Variants in SGTA observed in about 807,000 individuals in gnomAD.
SGTA encodes the protein small glutamine rich tetratricopeptide repeat co-chaperone alpha, also known as small glutamine-rich tetratricopeptide repeat-containing protein alpha.
In SGTA, 22 loss-of-function variants were observed where a neutral mutation model predicts 44.3. That is an observed-to-expected ratio of 0.50 (90% CI 0.36 to 0.71). The LOEUF is 0.71. Among genes scored for constraint, SGTA ranks in the 30% least tolerant of loss-of-function variants. The probability of loss-of-function intolerance (pLI) is 0.00; values close to 1 mark genes in which losing one functional copy is unlikely to be tolerated. For missense variants in SGTA, 341 were observed against 435.9 expected, an observed-to-expected ratio of 0.78 and a Z score of 1.94; for synonymous variants, 174 against 177.6, an observed-to-expected ratio of 0.98 and a Z score of 0.16.
rs566331427 is a variant in SGTA, at chr19:2,776,657, C to T, written c.-24+6576G>A. Among the ~76,000 whole-genome samples the T allele has an allele frequency of 1.3e-3, 199 of 152,310 alleles. 2 individuals are homozygous for T. Among genetic ancestry groups the T allele is most frequent in the African/African-American group, 4.4e-3 (183 of 41,562 alleles). On this transcript the variant is annotated intron_variant, in intron 1 of 11. Coordinates refer to ENST00000221566, the MANE Select transcript of SGTA (RefSeq NM_003021.4). ...ATGTGCTTAAAGCCACTGAACTGTG[C>T]ATTTATAACTGATTAAGATGGTAAT...
chr19:2,764,881 T>C (rs1308900545), intron 5 of SGTA, among the ~76,000 whole-genome samples: 3 of 152,188 alleles, frequency 2.0e-5, no homozygotes, highest in Non-Finnish European at 4.4e-5. Context: ...GACTAATTTT[T>C]ACATTTTCTG....
At chr19:2,775,831 G>A (rs1039784862) in intron 1 of SGTA, among the ~76,000 whole-genome samples, 3 of 152,306 alleles carry the variant, frequency 2.0e-5, no homozygotes, top group African/African-American at 4.8e-5. Context: ...GGATCACAGC[G>A]GTGTGGGAAT....
chr19:2,757,665 C>A, intron 10 of SGTA, 28 bp downstream of exon 10: 2 of 1,523,628 alleles, frequency 1.3e-6, no homozygotes, highest in Non-Finnish European at 1.8e-6. Context: ...CCCACGTCCT[C>A]CGTCCTCTTG....
At chr19:2,778,231 G>A (rs1306664268) in intron 1 of SGTA, among the ~76,000 whole-genome samples, 1 of 152,132 alleles carries the variant, frequency 6.6e-6, no homozygotes, top group African/African-American at 2.4e-5. Context: ...AGGGGTGTGT[G>A]TGTGGAGGGG....
In SGTA at chr19:2,759,442, T is replaced by C. The variant is rs368678030; in HGVS notation, c.700-148A>G. ...GCCGGGCATTCGGTCTTTCATACCC[T>C]TTTCCCTACATTTTCGCCCCCCCAC... On this transcript the variant is annotated intron_variant, in intron 8 of 11. Transcript: ENST00000221566. 49 of 698,406 alleles carry C rather than the reference T, an allele frequency of 7.0e-5. 1 individual carries two copies. In the East Asian group the frequency reaches 1.2e-3, roughly 17 times the overall value. The allele number at this position is 698,406 out of a possible 1,614,324, so 43.3% of individuals were successfully genotyped here.
intron 9 of SGTA, among the ~76,000 whole-genome samples, chr19:2,758,536 A>G (rs1047856522): frequency 1.3e-4 from 20 of 151,930 alleles, no homozygotes; most frequent in African/African-American, 4.8e-4. Context: ...AAAAGGAGAA[A>G]GAAAAAAAGA....
chr19:2,775,737 G>A (rs1051955027), intron 1 of SGTA, among the ~76,000 whole-genome samples: 2 of 152,268 alleles, frequency 1.3e-5, no homozygotes, highest in South Asian at 2.1e-4. Flanking sequence ...CTTTTGGGGC[G>A]ATGAGACAGC....
In SGTA at chr19:2,763,798, C is replaced by G; in HGVS notation, c.393-41G>C. ...CAGGGCAGGTCCCTCACTGGCGGCT[C>G]TGAGCCCAGCGGGCAGCCCTTGAGG... On this transcript the variant is annotated intron_variant, in intron 5 of 11. Transcript: ENST00000221566. The surrounding 1 kb of genome is among the most constrained non-coding windows in gnomAD (Gnocchi z 5.8). 6.4e-7 allele frequency: 1 copy of G among 1,558,550 alleles called. No homozygotes were observed. The highest frequency in any genetic ancestry group is 8.8e-7 in the Non-Finnish European group (1 of 1,137,564).
Position 2,765,493 on chromosome 19 carries a change from C to T in SGTA, c.293-208G>A, listed in dbSNP as rs1161839409. 2.6e-5 allele frequency among the ~76,000 whole-genome samples: 4 copies of T among 152,214 alleles called. No homozygotes were observed. Among genetic ancestry groups the T allele is most frequent in the East Asian group, 1.9e-4 (1 of 5,190 alleles). ...CGCTAGTCGCAAACAATCATATCTA[C>T]ATCCACTAAGGGGGATGGAGGTGGG... On this transcript the variant is annotated intron_variant, in intron 4 of 11. Transcript: ENST00000221566. The surrounding 1 kb of genome is among the most constrained non-coding windows in gnomAD (Gnocchi z 5.5).
intron 1 of SGTA, among the ~76,000 whole-genome samples, chr19:2,772,593 T>G (rs1049943859): frequency 1.3e-5 from 2 of 152,206 alleles, no homozygotes; most frequent in African/African-American, 4.8e-5. Flanking sequence ...TGCCAGGACC[T>G]TGGAATGCGA....
In SGTA at chr19:2,761,344, G is replaced by A; in HGVS notation, c.699+116C>T. The A allele has an allele frequency of 1.0e-6, 1 of 986,990 alleles. No homozygotes were observed. 61.1% of individuals were successfully genotyped at this position (986,990 alleles called of 1,614,324 possible). A position where few individuals can be genotyped will look rare whatever the true frequency, so the allele number is the denominator to read the frequency against. On this transcript the variant is annotated intron_variant, in intron 8 of 11. Coordinates refer to ENST00000221566, the MANE Select transcript of SGTA (RefSeq NM_003021.4). This position sits in a 1 kb window ranked among gnomAD's most constrained non-coding sequence, Gnocchi z 5.7. ...CGACCCCACAGACAAGACCCATCTG[G>A]TTCCAGAAGCCAGCAGTGCCAAGGC...
chr19:2,771,791 G>A (rs1157861179), intron 1 of SGTA, among the ~76,000 whole-genome samples: 1 of 152,260 alleles, frequency 6.6e-6, no homozygotes, highest in Admixed American at 6.5e-5. Context: ...GGGTTGCTGT[G>A]GTGCTGGCGC....
Position 2,763,552 on chromosome 19 carries a change from T to C in SGTA, c.497+101A>G. Reference sequence around the variant, plus strand: ...GTTGAACTGAACCGGGGTGGGAGAATTCGTTGTGGGTGGGAAAAAAGCCAC... The same window carrying C: ...GTTGAACTGAACCGGGGTGGGAGAACTCGTTGTGGGTGGGAAAAAAGCCAC... On this transcript the variant is annotated intron_variant, in intron 6 of 11. Transcript: ENST00000221566. This position sits in a 1 kb window ranked among gnomAD's most constrained non-coding sequence, Gnocchi z 5.8. The C allele has an allele frequency of 2.6e-6, 2 of 776,204 alleles. No homozygotes were observed. The highest frequency in any genetic ancestry group is 4.2e-6 in the Non-Finnish European group (2 of 481,624). The allele number at this position is 776,204 out of a possible 1,614,324, so 48.1% of individuals were successfully genotyped here.
At chr19:2,762,095 C>G (rs1915011943) in intron 7 of SGTA, among the ~76,000 whole-genome samples, 1 of 152,154 alleles carries the variant, frequency 6.6e-6, no homozygotes, top group South Asian at 2.1e-4. Flanking sequence ...CTCAGCACCT[C>G]CCCCATCACC....
chr19:2,776,723 C>T (rs1915452860), intron 1 of SGTA, among the ~76,000 whole-genome samples: 1 of 152,156 alleles, frequency 6.6e-6, no homozygotes, highest in South Asian at 2.1e-4. Context: ...AATCCCAGAA[C>T]TTTTGGAGGC....
At position 2,761,802 on chromosome 19, in the gene SGTA, C is replaced by A. The variant is rs543590821; in HGVS notation, c.637-280G>T. ...CCCGCACAGCGCGACCGCCCGGGGACGGCACAGTCTATCATCCCGTGTTTA... is the reference window on the plus strand; with the variant it reads ...CCCGCACAGCGCGACCGCCCGGGGAAGGCACAGTCTATCATCCCGTGTTTA... On this transcript the variant is annotated intron_variant, in intron 7 of 11. Transcript: ENST00000221566. This position sits in a 1 kb window ranked among gnomAD's most constrained non-coding sequence, Gnocchi z 5.7. Among the ~76,000 whole-genome samples, 3 of 145,530 alleles carry A rather than the reference C, an allele frequency of 2.1e-5. No individual in the cohort carries two copies. Among genetic ancestry groups the A allele is most frequent in the Non-Finnish European group, 4.5e-5 (3 of 66,584 alleles).
Position 2,755,811 on chromosome 19 carries a change from T to C in SGTA, c.*129A>G. The C allele has an allele frequency of 1.0e-6, 1 of 985,546 alleles. No individual in the cohort carries two copies. Among genetic ancestry groups the C allele is most frequent in the Non-Finnish European group, 1.2e-6 (1 of 830,004 alleles). 61.1% of individuals were successfully genotyped at this position (985,546 alleles called of 1,614,324 possible). A position where few individuals can be genotyped will look rare whatever the true frequency, so the allele number is the denominator to read the frequency against. On this transcript the variant is annotated 3_prime_UTR_variant, in exon 12 of 12. Transcript: ENST00000221566. The surrounding 1 kb of genome is among the most constrained non-coding windows in gnomAD (Gnocchi z 5.2). ...AGAGATAAAAGGGGAAAATCCATCT[T>C]GACATGCAGGTCCGAGGTCTCTCTC... is the stretch of plus-strand genomic sequence containing the variant.
At chr19:2,759,586 C>T (rs376522261) in intron 8 of SGTA, 61 of 419,532 alleles carry the variant, frequency 1.5e-4, no homozygotes, top group South Asian at 1.2e-3. Flanking sequence ...TGTGTGGAGG[C>T]GTTTTGGTTC....
chr19:2,762,402 C>G lies in SGTA; in HGVS notation c.636+104G>C, dbSNP rs771174944. 1.1e-5 allele frequency: 13 copies of G among 1,196,330 alleles called. No individual in the cohort carries two copies. In the South Asian group the frequency reaches 1.3e-4, roughly 12 times the overall value. 74.1% of individuals were successfully genotyped at this position (1,196,330 alleles called of 1,614,324 possible). On this transcript the variant is annotated intron_variant, in intron 7 of 11. Transcript: ENST00000221566. ...AACTGAAACAAACCCCGGACCCTCA[C>G]GACACCCAGGTTAAGCCTAGAGCCA...
Sources: allele counts gnomAD v4.1 joint callset (sites outside exome capture counted in the v4.1 genomes callset), GRCh38; gene constraint gnomAD v4.1.1; non-coding constraint Gnocchi (gnomAD v3.1); transcripts MANE v1.5; gene names NCBI Gene and HGNC (gene_info 2026-07-23, HGNC 2026-07-21).